The following FRAS1 variants were observed in gnomAD, a reference collection of about 807,000 sequenced individuals.
The protein encoded by FRAS1 is extracellular matrix organizing protein FRAS1.
A neutral mutation model predicts 435.2 loss-of-function variants in FRAS1; 290 were observed. The observed-to-expected ratio is 0.67, with a 90% confidence interval of 0.61 to 0.73. The LOEUF (loss-of-function observed/expected upper bound fraction) is 0.73, where lower values mean the gene tolerates loss of function less well. Among genes scored for constraint, FRAS1 ranks in the 30% least tolerant of loss-of-function variants. The pLI, the probability that FRAS1 is intolerant of heterozygous loss-of-function variation, is 0.00. For synonymous variants in FRAS1, 1,800 were observed against 1,851.0 expected, an observed-to-expected ratio of 0.97 and a Z score of 0.71; for missense variants, 4,860 against 5,001.5, an observed-to-expected ratio of 0.97 and a Z score of 0.85.
Position 78,496,850 on chromosome 4 carries a change from C to T in FRAS1, c.9004C>T (p.Pro3002Ser). ...TATCCACGATGACTCCATGTTTGAG[C>T]CAGAGGAACAGTTCAGGGTCTACCT... is the stretch of plus-strand genomic sequence containing the variant. ...VYIHDDSMFEPEEQFRVYLGL... is the reference protein window; with the variant it reads ...VYIHDDSMFESEEQFRVYLGL... The change falls in exon 60 of 74, where the codon CCA (proline) becomes TCA (serine). Residue 3002 changes from proline (P) to serine (S), a missense_variant. Pro to Ser is a moderately conservative substitution (Grantham distance 74). Coordinates refer to ENST00000512123, the MANE Select transcript of FRAS1 (RefSeq NM_025074.7). The T allele has an allele frequency of 6.2e-7, 1 of 1,613,694 alleles. No homozygotes were observed. Among genetic ancestry groups the T allele is most frequent in the Non-Finnish European group, 8.5e-7 (1 of 1,179,718 alleles).
At chr4:78,445,375 T>C in intron 41 of FRAS1, 147 bp from the exon 42 acceptor site, 1 of 1,046,232 alleles carries the variant, frequency 9.6e-7, no homozygotes, top group Non-Finnish European at 1.3e-6. Context: ...TTCCAATTCC[T>C]GGTCTTGTGC....
chr4:78,259,515 G>T (rs1202391205), intron 6 of FRAS1, among the ~76,000 whole-genome samples: 2 of 151,920 alleles, frequency 1.3e-5, no homozygotes, highest in Admixed American at 6.6e-5. Context: ...CTTTTGAGAA[G>T]TGTCTGTTCA....
chr4:78,251,766 A>C (rs1301753892), intron 4 of FRAS1, among the ~76,000 whole-genome samples: 1 of 152,224 alleles, frequency 6.6e-6, no homozygotes, highest in East Asian at 1.9e-4. Flanking sequence ...ATAGTTTCCA[A>C]GGCAGGAAGG....
At chr4:78,506,910 C>T (rs1206782460) in intron 61 of FRAS1, among the ~76,000 whole-genome samples, 1 of 152,132 alleles carries the variant, frequency 6.6e-6, no homozygotes, top group Non-Finnish European at 1.5e-5. Flanking sequence ...GTCTTGAAGG[C>T]TTGAACCCTC....
rs1484844645 is a variant in FRAS1 at position 78,482,501 on chromosome 4, G to T, written c.8718G>T (p.Gln2906His). 1.2e-6 allele frequency: 2 copies of T among 1,613,846 alleles called. No individual in the cohort carries two copies. Among genetic ancestry groups the T allele is most frequent in the South Asian group, 2.2e-5 (2 of 91,044 alleles). ...GAGCCGAACTGACCAAACCCTTCCAGGCAGTCATTGCAATTAATGACACAT... is the reference window on the plus strand; with the variant it reads ...GAGCCGAACTGACCAAACCCTTCCATGCAGTCATTGCAATTAATGACACAT... ...AQGAELTKPF[Q>H]AVIAINDTFQ... The change falls in exon 58 of 74, where the codon CAG (glutamine) becomes CAT (histidine). Residue 2906 changes from glutamine (Q) to histidine (H), a missense_variant. Gln to His is a conservative substitution (Grantham distance 24). Transcript: ENST00000512123.
chr4:78,319,054 G>T, intron 18 of FRAS1, 68 bp downstream of exon 18: 1 of 1,481,104 alleles, frequency 6.8e-7, no homozygotes, highest in South Asian at 1.2e-5. Context: ...TGTGAGGTGG[G>T]ACCAAAGCCA....
At chr4:78,326,935 A>T (rs909275966) in intron 18 of FRAS1, among the ~76,000 whole-genome samples, 2 of 152,218 alleles carry the variant, frequency 1.3e-5, no homozygotes, top group Non-Finnish European at 2.9e-5. Context: ...CATGACAGGG[A>T]AAAGGGACTG....
intron 2 of FRAS1, among the ~76,000 whole-genome samples, chr4:78,067,592 A>C (rs1420773522): frequency 6.6e-6 from 1 of 151,658 alleles, no homozygotes; most frequent in Admixed American, 6.6e-5. Context: ...CCACACCAGC[A>C]CGCTCCTCAT....
intron 36 of FRAS1, 27 bp downstream of exon 36, chr4:78,429,253 A>G (rs1387283740): frequency 2.5e-6 from 4 of 1,590,948 alleles, no homozygotes; most frequent in South Asian, 2.3e-5. Flanking sequence ...TGATAGAAAC[A>G]TGGCTTTGGA....
chr4:78,083,094 A>T (rs770852006), intron 2 of FRAS1, among the ~76,000 whole-genome samples: 13 of 151,896 alleles, frequency 8.6e-5, no homozygotes, highest in Non-Finnish European at 1.6e-4. Flanking sequence ...GAAATTAGGG[A>T]TCTGGAAATT....
intron 2 of FRAS1, among the ~76,000 whole-genome samples, chr4:78,087,267 G>A (rs6813816): frequency 0.81 from 121,519 of 150,944 alleles, 49,026 homozygotes; most frequent in East Asian, 0.95. Context: ...TATTGATGGA[G>A]CGTATCTCAA....
chr4:78,541,202 G>A lies in FRAS1; in HGVS notation c.*78G>A, dbSNP rs77632937. 32 of 910,490 alleles carry A rather than the reference G, an allele frequency of 3.5e-5. No individual in the cohort carries two copies. The highest frequency in any genetic ancestry group is 2.7e-4 in the Middle Eastern group (1 of 3,672). 56.4% of individuals were successfully genotyped at this position (910,490 alleles called of 1,614,324 possible). ...GAAATACTGGTATTTTTATAATCTCGCAGATAAAAAAGGGAAAACTATAGC... is the reference window on the plus strand; with the variant it reads ...GAAATACTGGTATTTTTATAATCTCACAGATAAAAAAGGGAAAACTATAGC... On this transcript the variant is annotated 3_prime_UTR_variant, in exon 74 of 74. Transcript: ENST00000512123.
rs1454757639 is a variant in FRAS1, at chr4:78,057,380, G to A, written c.-630G>A. 2.0e-5 allele frequency among the ~76,000 whole-genome samples: 3 copies of A among 152,176 alleles called. No individual in the cohort carries two copies. The highest frequency in any genetic ancestry group is 4.4e-5 in the Non-Finnish European group (3 of 68,038). On this transcript the variant is annotated 5_prime_UTR_variant, in exon 1 of 74. It adds an upstream start codon to the 5' untranslated region. Coordinates refer to ENST00000512123, the MANE Select transcript of FRAS1 (RefSeq NM_025074.7). This position sits in a 1 kb window ranked among gnomAD's most constrained non-coding sequence, Gnocchi z 4.2. The stretch of plus-strand genomic sequence containing the variant: ...AGGGAGCGCAGCCTGAGGCGGTGTG[G>A]TGCGGTGCGGCTGCAGGGCGGGCGA...
At chr4:78,085,749 A>G (rs1318986592) in intron 2 of FRAS1, among the ~76,000 whole-genome samples, 1 of 152,196 alleles carries the variant, frequency 6.6e-6, no homozygotes, top group Non-Finnish European at 1.5e-5. Flanking sequence ...TATGCACCCA[A>G]TACAGGAGCA....
intron 2 of FRAS1, among the ~76,000 whole-genome samples, chr4:78,216,439 T>C (rs528806057): frequency 6.6e-6 from 1 of 152,348 alleles, no homozygotes; most frequent in African/African-American, 2.4e-5. Flanking sequence ...AATCAGTGCA[T>C]AAATACATGC....
chr4:78,519,238 TG>T (rs1259196181), intron 66 of FRAS1, 92 bp from the exon 67 acceptor site: 5 of 1,085,686 alleles, frequency 4.6e-6, no homozygotes, highest in Non-Finnish European at 6.4e-6. Flanking sequence ...TGTGACTACA[TG>T]GGTGAATGAA....
chr4:78,452,359 G>A lies in FRAS1; in HGVS notation c.6763+5G>A. On this transcript the variant is annotated splice_donor_5th_base_variant and intron_variant, in intron 47 of 73. Transcript: ENST00000512123. Reference sequence around the variant, plus strand: ...TGGAACATGCAGCATCACCAGGTAAGTCTATCATCTCTTGATTTACTGAAT... The same window carrying A: ...TGGAACATGCAGCATCACCAGGTAAATCTATCATCTCTTGATTTACTGAAT... 1 of 1,589,696 alleles carries A rather than the reference G, an allele frequency of 6.3e-7. No homozygotes were observed. The highest frequency in any genetic ancestry group is 8.5e-7 in the Non-Finnish European group (1 of 1,172,942).
intron 15 of FRAS1, among the ~76,000 whole-genome samples, chr4:78,309,427 A>T (rs1442415669): frequency 6.6e-6 from 1 of 152,228 alleles, no homozygotes; most frequent in Non-Finnish European, 1.5e-5. Flanking sequence ...CCTGGGACAT[A>T]GTAAGCATTC....
intron 9 of FRAS1, among the ~76,000 whole-genome samples, chr4:78,270,437 C>A (rs1278829499): frequency 6.6e-6 from 1 of 152,130 alleles, no homozygotes; most frequent in Middle Eastern, 3.2e-3. Flanking sequence ...TGGAGCAGGG[C>A]AAGGCAGCTC....
Sources: allele counts gnomAD v4.1 joint callset (sites outside exome capture counted in the v4.1 genomes callset), GRCh38; gene constraint gnomAD v4.1.1; non-coding constraint Gnocchi (gnomAD v3.1); transcripts MANE v1.5; gene names NCBI Gene and HGNC (gene_info 2026-07-23, HGNC 2026-07-21).